SRSF9: variants seen among roughly 807,000 people sequenced by gnomAD.
SRSF9 encodes serine and arginine rich splicing factor 9, also known as serine/arginine-rich splicing factor 9.
SRSF9 carries 3 observed loss-of-function variants against 25.9 expected under a neutral mutation model. The observed-to-expected ratio is 0.12, with a 90% CI of 0.05 to 0.30. The LOEUF (loss-of-function observed/expected upper bound fraction) is 0.30, where lower values mean the gene tolerates loss of function less well. Among genes scored for constraint, SRSF9 ranks in the 10% least tolerant of loss-of-function variants. The pLI is 1.00. For missense variants in SRSF9, 161 were observed against 303.5 expected, an observed-to-expected ratio of 0.53 and a Z score of 3.49; for synonymous variants, 114 against 113.2, an observed-to-expected ratio of 1.01 and a Z score of -0.05.
chr12:120,468,813 C>T (rs918333268), intron 1 of SRSF9, among the ~76,000 whole-genome samples: 1 of 152,204 alleles, frequency 6.6e-6, no homozygotes, highest in South Asian at 2.1e-4. Flanking sequence ...TCTCGCCAAG[C>T]CTCCCTCATC....
chr12:120,469,458 A>AG lies in SRSF9; in HGVS notation c.151dup (p.Leu51ProfsTer26). The AG allele has an allele frequency of 6.3e-7, 1 of 1,594,860 alleles. No individual in the cohort carries two copies. The highest frequency in any genetic ancestry group is 8.5e-7 in the Non-Finnish European group (1 of 1,172,084). On this transcript the variant is annotated frameshift_variant, in exon 1 of 4. Transcript: ENST00000229390. LOFTEE classifies it high-confidence loss of function. ...GAAGCGCACGAAGGCGAAGGGCACG[A>AG]GGCCGTGCCGGTTCTTGAGCTCGAT... is the stretch of plus-strand genomic sequence containing the variant.
Position 120,465,824 on chromosome 12 carries a change from G to A in SRSF9, c.189-37C>T, listed in dbSNP as rs545132259. 2.6e-6 allele frequency: 4 copies of A among 1,557,252 alleles called. No homozygotes were observed. The East Asian group carries it at 7.0e-5, about 27-fold the overall frequency. On this transcript the variant is annotated intron_variant, in intron 1 of 3. Coordinates refer to ENST00000229390, the MANE Select transcript of SRSF9 (RefSeq NM_003769.3). ...AACAACAACAAAAAAAACGTTTGGAGTTAGTGCTGTTCAGGAGGCCAAGTG... is the reference window on the plus strand; with the variant it reads ...AACAACAACAAAAAAAACGTTTGGAATTAGTGCTGTTCAGGAGGCCAAGTG...
intron 1 of SRSF9, among the ~76,000 whole-genome samples, chr12:120,466,846 AGT>A (rs1193218092): frequency 6.6e-6 from 1 of 152,196 alleles, no homozygotes; most frequent in African/African-American, 2.4e-5. Flanking sequence ...TGGAACTCTA[AGT>A]GTACCTTTTC....
intron 1 of SRSF9, among the ~76,000 whole-genome samples, chr12:120,467,826 G>A (rs1878514835): frequency 6.7e-6 from 1 of 148,802 alleles, no homozygotes; most frequent in South Asian, 2.2e-4. Context: ...CTGGCGTGGT[G>A]GCTCAGGCCT....
chr12:120,467,581 T>C (rs1396442135), intron 1 of SRSF9, among the ~76,000 whole-genome samples: 1 of 152,176 alleles, frequency 6.6e-6, no homozygotes, highest in African/African-American at 2.4e-5. Context: ...TCTGGGTAAG[T>C]GTTTAATCAA....
At chr12:120,463,809 T>C in intron 3 of SRSF9, 141 bp downstream of exon 3, 1 of 955,320 alleles carries the variant, frequency 1.0e-6, no homozygotes, top group East Asian at 2.5e-5. Context: ...CATAGCAAAT[T>C]CCATGGCTTT....
At position 120,469,707 on chromosome 12, in the gene SRSF9, C is replaced by T; in HGVS notation, c.-98G>A. ...GCGTCCCCGCGGGCTCCGAGGCGCT[C>T]AGCCGCACTGCATTGTGGGAACGCG... On this transcript the variant is annotated 5_prime_UTR_variant, in exon 1 of 4. An upstream open reading frame in the 5' UTR loses its in-frame stop. Transcript: ENST00000229390. 1 of 715,620 alleles carries T rather than the reference C, an allele frequency of 1.4e-6. No homozygotes were observed. Among genetic ancestry groups the T allele is most frequent in the Non-Finnish European group, 1.9e-6 (1 of 536,264 alleles). 44.3% of individuals were successfully genotyped at this position (715,620 alleles called of 1,614,324 possible). A position where few individuals can be genotyped will look rare whatever the true frequency, so the allele number is the denominator to read the frequency against.
chr12:120,469,292 G>C, intron 1 of SRSF9, 130 bp downstream of exon 1: 1 of 565,614 alleles, frequency 1.8e-6, no homozygotes, highest in African/African-American at 2.0e-5. Flanking sequence ...GTGAGGGGGC[G>C]CCGTGAGGGG....
chr12:120,465,547 A>G lies in SRSF9; in HGVS notation c.349+80T>C, dbSNP rs968981382. ...CCCGTGTCCCATGCACTGAAGAATA[A>G]CAGCTATCATTTCTTGGAAGACAGA... On this transcript the variant is annotated intron_variant, in intron 2 of 3. Transcript: ENST00000229390. 10 of 1,455,730 alleles carry G rather than the reference A, an allele frequency of 6.9e-6. No homozygotes were observed. In the African/African-American group the frequency reaches 1.5e-4, roughly 21 times the overall value. 90.2% of individuals were successfully genotyped at this position (1,455,730 alleles called of 1,614,324 possible). A position where few individuals can be genotyped will look rare whatever the true frequency, so the allele number is the denominator to read the frequency against.
At chr12:120,462,197 GA>G in intron 3 of SRSF9, 35 bp from the exon 4 acceptor site, 7 of 1,572,814 alleles carry the variant, frequency 4.5e-6, no homozygotes, top group East Asian at 2.3e-5. Context: ...GAGTAAAGGG[GA>G]AAAAAATCAG....
chr12:120,466,372 G>A (rs1272735233), intron 1 of SRSF9, among the ~76,000 whole-genome samples: 1 of 152,134 alleles, frequency 6.6e-6, no homozygotes, highest in East Asian at 1.9e-4. Context: ...AAAGTAGCCA[G>A]TTAGATAGGA....
intron 1 of SRSF9, among the ~76,000 whole-genome samples, chr12:120,467,409 G>A (rs769051532): frequency 6.6e-6 from 1 of 152,124 alleles, no homozygotes; most frequent in African/African-American, 2.4e-5. Flanking sequence ...GCTGAGGCAC[G>A]AGAATCTCTT....
rs370436477 is a variant in SRSF9 at position 120,462,041 on chromosome 12, A to T, written c.644T>A (p.Phe215Tyr). 3.0e-5 allele frequency: 48 copies of T among 1,611,628 alleles called. No individual in the cohort carries two copies. The highest frequency in any genetic ancestry group is 2.2e-4 in the Middle Eastern group (1 of 4,480). Residue 215 changes from phenylalanine to tyrosine, a missense_variant, in exon 4 of 4, where the codon TTC becomes TAC. By Grantham distance (22) the Phe-to-Tyr change is conservative. Around this residue, in one of 3 missense-constraint regions of SRSF9, gnomAD observed 21 missense variants for 20.1 expected, o/e 1.05. Transcript: ENST00000229390. ...PYQSRGSPHY[F>Y]SPFRPY is the part of the protein sequence containing the mutation. ...GTCTCAGTAGGGCCTGAAAGGAGAGAAGTAGTGTGGGGAACCCCTGCTTTG... is the reference window on the plus strand; with the variant it reads ...GTCTCAGTAGGGCCTGAAAGGAGAGTAGTAGTGTGGGGAACCCCTGCTTTG...
intron 1 of SRSF9, among the ~76,000 whole-genome samples, 162 bp downstream of exon 1, chr12:120,469,260 G>A (rs892734237): frequency 1.3e-5 from 2 of 152,140 alleles, no homozygotes; most frequent in African/African-American, 2.4e-5. Context: ...CCTGCGAGGA[G>A]AGGCTGCCTC....
rs1878588184 is a variant in SRSF9 at position 120,469,581 on chromosome 12, C to T, written c.29G>A (p.Gly10Asp). ...CACGTAGATGCGCCCGTCGCCCTCGCCGCCGCGCTCGTCCGCCCAGCCCGA... is the reference window on the plus strand; with the variant it reads ...CACGTAGATGCGCCCGTCGCCCTCGTCGCCGCGCTCGTCCGCCCAGCCCGA... MSGWADERG[G>D]EGDGRIYVGN... is the part of the protein sequence containing the mutation. Residue 10 changes from glycine (G) to aspartate (D), a missense_variant, in exon 1 of 4, where the codon GGC becomes GAC. Coordinates refer to ENST00000229390, the MANE Select transcript of SRSF9 (RefSeq NM_003769.3). 6.5e-7 allele frequency: 1 copy of T among 1,545,428 alleles called. No homozygotes were observed. Among genetic ancestry groups the T allele is most frequent in the Non-Finnish European group, 8.7e-7 (1 of 1,150,078 alleles).
At chr12:120,467,532 G>A (rs1049826147) in intron 1 of SRSF9, among the ~76,000 whole-genome samples, 3 of 152,006 alleles carry the variant, frequency 2.0e-5, no homozygotes, top group Admixed American at 6.6e-5. Flanking sequence ...AAATTAGCCT[G>A]CATTCAAATC....
intron 1 of SRSF9, among the ~76,000 whole-genome samples, chr12:120,467,340 A>G (rs1191665929): frequency 1.3e-5 from 2 of 152,064 alleles, no homozygotes; most frequent in Admixed American, 6.6e-5. Context: ...GTCTCTACTA[A>G]AAAGATAAAA....
At chr12:120,468,548 C>CAG (rs1878541645) in intron 1 of SRSF9, among the ~76,000 whole-genome samples, 2 of 152,184 alleles carry the variant, frequency 1.3e-5, no homozygotes, top group South Asian at 4.1e-4. Flanking sequence ...ACGTCCACCC[C>CAG]AGGTAGGTCG....
chr12:120,464,138 A>G lies in SRSF9; in HGVS notation c.350-16T>C, dbSNP rs752146345. ...GGAGGAAGTCCTAGGCATGGAGAAC[A>G]TAAGAAAGCCCACATCCTTCAGCTA... is the stretch of plus-strand genomic sequence containing the variant. On this transcript the variant is annotated splice_polypyrimidine_tract_variant and intron_variant, in intron 2 of 3. Transcript: ENST00000229390. 1.0e-5 allele frequency: 16 copies of G among 1,606,880 alleles called. No homozygotes were observed. Among genetic ancestry groups the G allele is most frequent in the African/African-American group, 1.3e-5 (1 of 74,730 alleles).
Sources: allele counts gnomAD v4.1 joint callset (sites outside exome capture counted in the v4.1 genomes callset), GRCh38; gene constraint gnomAD v4.1.1; regional missense constraint gnomAD v4.1.1; transcripts MANE v1.5; gene names NCBI Gene and HGNC (gene_info 2026-07-23, HGNC 2026-07-21).